Variants in NSFL1C observed in about 807,000 individuals in gnomAD.
NSFL1C encodes NSFL1 cofactor, also known as NSFL1 cofactor p47.
NSFL1C carries 14 observed loss-of-function variants against 43.1 expected under a neutral mutation model. That is an observed-to-expected ratio of 0.32 (90% CI 0.21 to 0.51). The LOEUF (loss-of-function observed/expected upper bound fraction) is 0.51, where lower values mean the gene tolerates loss of function less well. Among genes scored for constraint, NSFL1C ranks in the 20% least tolerant of loss-of-function variants. The pLI is 0.98. For missense variants in NSFL1C, 406 were observed against 472.5 expected, an observed-to-expected ratio of 0.86 and a Z score of 1.30; for synonymous variants, 171 against 183.5, an observed-to-expected ratio of 0.93 and a Z score of 0.55.
chr20:1,465,991 C>T (rs939909096), intron 1 of NSFL1C, among the ~76,000 whole-genome samples: 1 of 152,202 alleles, frequency 6.6e-6, no homozygotes, highest in South Asian at 2.1e-4. Flanking sequence ...TCATCATCTA[C>T]CTAAGACGAA....
At chr20:1,454,938 T>A (rs763269734) in intron 4 of NSFL1C, 29 bp downstream of exon 4, 1 of 1,601,020 alleles carries the variant, frequency 6.2e-7, no homozygotes. Flanking sequence ...CTCAGTCCTG[T>A]GGGCACAGAC....
intron 1 of NSFL1C, among the ~76,000 whole-genome samples, chr20:1,465,036 T>G (rs2090482366): frequency 6.6e-6 from 1 of 152,182 alleles, no homozygotes; most frequent in Admixed American, 6.5e-5. Context: ...GGGGTACCTG[T>G]CTCACCAACC....
At chr20:1,453,198 T>C (rs1321383318) in intron 5 of NSFL1C, 58 bp from the exon 6 acceptor site, 8 of 979,094 alleles carry the variant, frequency 8.2e-6, no homozygotes, top group Non-Finnish European at 1.2e-5. Flanking sequence ...CAATTTGAAC[T>C]TGCAAATTAG....
At chr20:1,452,385 T>C in intron 7 of NSFL1C, 108 bp downstream of exon 7, 1 of 1,405,878 alleles carries the variant, frequency 7.1e-7, no homozygotes, top group Non-Finnish European at 9.7e-7. Flanking sequence ...ATTTGAAGTA[T>C]TTTGTAAACA....
At chr20:1,448,079 T>A (rs2090103881) in intron 7 of NSFL1C, among the ~76,000 whole-genome samples, 1 of 152,222 alleles carries the variant, frequency 6.6e-6, no homozygotes, top group African/African-American at 2.4e-5. Flanking sequence ...AACTTCTCCT[T>A]GAGTTTCACT....
intron 7 of NSFL1C, among the ~76,000 whole-genome samples, chr20:1,447,974 T>C (rs572156944): frequency 6.6e-6 from 1 of 152,328 alleles, no homozygotes; most frequent in East Asian, 1.9e-4. Flanking sequence ...CCTTTCAGTA[T>C]ATATTCTGTG....
chr20:1,462,983 T>C (rs1016276528), intron 2 of NSFL1C, among the ~76,000 whole-genome samples: 4 of 152,172 alleles, frequency 2.6e-5, no homozygotes, highest in African/African-American at 7.2e-5. Context: ...CAGTCTCCCA[T>C]GTGGTAGGCA....
chr20:1,444,044 T>C, intron 8 of NSFL1C, 133 bp from the exon 9 acceptor site: 2 of 944,670 alleles, frequency 2.1e-6, no homozygotes, highest in East Asian at 5.3e-5. Context: ...CGCTCAGGCA[T>C]GTGGGACCAA....
At chr20:1,455,798 G>C (rs531367853) in intron 3 of NSFL1C, 1 of 776,276 alleles carries the variant, frequency 1.3e-6, no homozygotes, top group Admixed American at 1.7e-5. Flanking sequence ...CAGGTAAGGT[G>C]GTGTGACACA....
intron 7 of NSFL1C, among the ~76,000 whole-genome samples, chr20:1,447,410 C>T (rs1212643758): frequency 6.6e-6 from 1 of 150,568 alleles, no homozygotes; most frequent in African/African-American, 2.5e-5. Context: ...TGTAAACTTT[C>T]TTAAAATGTT....
intron 7 of NSFL1C, among the ~76,000 whole-genome samples, chr20:1,446,667 C>T (rs1445145665): frequency 6.6e-6 from 1 of 150,852 alleles, no homozygotes; most frequent in Non-Finnish European, 1.5e-5. Context: ...GGATGGCTGA[C>T]AAACACAAAA....
rs768660039 is a variant in NSFL1C at position 1,455,807 on chromosome 20, C to T, written c.279-675G>A. The T allele has an allele frequency of 4.8e-4, 368 of 773,522 alleles. 1 individual carries two copies. The highest frequency in any genetic ancestry group is 2.9e-4 in the Non-Finnish European group (121 of 415,830). 47.9% of individuals were successfully genotyped at this position (773,522 alleles called of 1,614,324 possible). On this transcript the variant is annotated intron_variant, in intron 3 of 8. Coordinates refer to ENST00000216879, the MANE Select transcript of NSFL1C (RefSeq NM_016143.5). Reference sequence around the variant, plus strand: ...TGCACACAGGTAAGGTGGTGTGACACAGCACCAGGAGCTCCCCCAAGCCTC... The same window carrying T: ...TGCACACAGGTAAGGTGGTGTGACATAGCACCAGGAGCTCCCCCAAGCCTC...
intron 8 of NSFL1C, among the ~76,000 whole-genome samples, chr20:1,445,296 C>T (rs2090034711): frequency 6.6e-6 from 1 of 152,164 alleles, no homozygotes; most frequent in Non-Finnish European, 1.5e-5. Context: ...GGGACGCTGA[C>T]ACTGCACCCC....
At chr20:1,460,084 A>G (rs1250201206) in intron 2 of NSFL1C, among the ~76,000 whole-genome samples, 1 of 152,130 alleles carries the variant, frequency 6.6e-6, no homozygotes, top group Non-Finnish European at 1.5e-5. Flanking sequence ...TACCCTTGGG[A>G]TCTTGGACAT....
Sources: gnomAD v4.1 joint callset for allele counts (sites outside exome capture counted in the v4.1 genomes callset) on GRCh38, gnomAD v4.1.1 for gene constraint, MANE v1.5 for transcripts, NCBI Gene and HGNC (gene_info 2026-07-23, HGNC 2026-07-21) for gene names.